The following COL13A1 variants were observed in gnomAD, a reference collection of about 807,000 sequenced individuals.
COL13A1 encodes the protein collagen alpha-1(XIII) chain.
A neutral mutation model predicts 130.9 loss-of-function variants in COL13A1; 89 were observed. The ratio of observed to expected loss-of-function variants is 0.68; its 90% CI spans 0.57 to 0.81. COL13A1 has a LOEUF of 0.81. COL13A1 is among the 30% of genes least tolerant of loss of function. COL13A1 has a pLI of 0.00. For missense variants in COL13A1, 879 were observed against 934.6 expected (o/e 0.94, Z 0.78); for synonymous variants, 402 against 341.6 (o/e 1.18, Z -1.95).
chr10:69,925,837 G>A lies in COL13A1; in HGVS notation c.1363G>A (p.Val455Met). The A allele has an allele frequency of 1.2e-6, 2 of 1,601,102 alleles. No homozygotes were observed. The highest frequency in any genetic ancestry group is 2.3e-5 in the East Asian group (1 of 44,404). Residue 455 changes from valine (V) to methionine (M), a missense_variant, in exon 26 of 41, where the codon GTG becomes ATG. Val to Met is a conservative substitution (Grantham distance 21). Coordinates refer to ENST00000645393, the MANE Select transcript of COL13A1 (RefSeq NM_001368882.1). ...SKGEPGKGEM[V>M]DYNGNINEAL... ...GGGAGAACCAGGGAAAGGAGAGATG[G>A]TGGATTACAATGGAAACATCAATGA...
chr10:69,851,426 C>T (rs916129478), intron 2 of COL13A1, among the ~76,000 whole-genome samples: 10 of 152,204 alleles, frequency 6.6e-5, no homozygotes, highest in Admixed American at 5.9e-4. Flanking sequence ...CCCCTGCCTT[C>T]CTTTCCTGCT....
intron 22 of COL13A1, among the ~76,000 whole-genome samples, chr10:69,922,378 C>A (rs962471589): frequency 2.0e-5 from 3 of 152,304 alleles, no homozygotes; most frequent in Non-Finnish European, 4.4e-5. Context: ...TTTAATGTTT[C>A]ATTTCTTACA....
intron 17 of COL13A1, among the ~76,000 whole-genome samples, chr10:69,912,312 C>T (rs1207797917): frequency 6.6e-6 from 1 of 152,198 alleles, no homozygotes; most frequent in East Asian, 1.9e-4. Context: ...GGTAATTCCC[C>T]GGATCACTTC....
At chr10:69,814,535 T>A (rs952175127) in intron 1 of COL13A1, among the ~76,000 whole-genome samples, 17 of 152,250 alleles carry the variant, frequency 1.1e-4, no homozygotes, top group Admixed American at 9.8e-4. Context: ...CACATCTGGA[T>A]ACCTCTGTTT....
intron 5 of COL13A1, among the ~76,000 whole-genome samples, chr10:69,876,792 A>T (rs567041666): frequency 6.6e-6 from 1 of 152,194 alleles, no homozygotes. Flanking sequence ...AATAGGGTGG[A>T]GTTGGGTTTT....
At chr10:69,862,938 C>G (rs1034911358) in intron 2 of COL13A1, among the ~76,000 whole-genome samples, 1 of 152,134 alleles carries the variant, frequency 6.6e-6, no homozygotes, top group Non-Finnish European at 1.5e-5. Flanking sequence ...TACTATTTGT[C>G]CGAATGAGGT....
chr10:69,812,861 T>C (rs529319057), intron 1 of COL13A1, among the ~76,000 whole-genome samples: 4 of 152,206 alleles, frequency 2.6e-5, no homozygotes, highest in African/African-American at 9.6e-5. Context: ...GCCCCTCACC[T>C]GGTGAGTTAC....
intron 29 of COL13A1, 117 bp from the exon 30 acceptor site, chr10:69,930,283 C>T: frequency 8.8e-7 from 1 of 1,142,748 alleles, no homozygotes; most frequent in Non-Finnish European, 1.2e-6. Flanking sequence ...TGGGCTGTCT[C>T]TGCCTGCCCC....
intron 2 of COL13A1, among the ~76,000 whole-genome samples, chr10:69,832,956 A>G (rs1319251632): frequency 2.6e-5 from 4 of 152,232 alleles, no homozygotes; most frequent in Non-Finnish European, 5.9e-5. Flanking sequence ...CAGGAAATCC[A>G]TTGTCCAAGG....
At chr10:69,828,980 A>G (rs1451881925) in intron 2 of COL13A1, among the ~76,000 whole-genome samples, 1 of 151,904 alleles carries the variant, frequency 6.6e-6, no homozygotes, top group Non-Finnish European at 1.5e-5. Flanking sequence ...AGCCAGGGAG[A>G]GCCTTCCCAC....
At chr10:69,890,750 T>C (rs1236968934) in intron 10 of COL13A1, among the ~76,000 whole-genome samples, 1 of 152,246 alleles carries the variant, frequency 6.6e-6, no homozygotes, top group Non-Finnish European at 1.5e-5. Flanking sequence ...CTAATATTTA[T>C]TGAGGGTTTG....
intron 7 of COL13A1, among the ~76,000 whole-genome samples, chr10:69,883,201 A>G (rs2060307288): frequency 6.6e-6 from 1 of 152,166 alleles, no homozygotes. Flanking sequence ...GTGTTGGGGC[A>G]CGTTGACTTT....
chr10:69,930,368 T>G, intron 29 of COL13A1, 32 bp from the exon 30 acceptor site: 2 of 1,575,640 alleles, frequency 1.3e-6, no homozygotes, highest in Non-Finnish European at 1.7e-6. Flanking sequence ...TCCATTAATG[T>G]GTCTAAGAAG....
At chr10:69,872,313 T>G in intron 4 of COL13A1, 103 bp downstream of exon 4, 1 of 1,326,530 alleles carries the variant, frequency 7.5e-7, no homozygotes, top group Non-Finnish European at 1.1e-6. Context: ...CAGGTGTATC[T>G]GGGTGACAGG....
rs2059769607 is a variant in COL13A1, at chr10:69,877,978, C to CCTCTTT, written c.436-60_436-55dup. ...TCGTGTGGGTGCCTCTTTCTCATCC[C>CCTCTTT]CTCTTTTTTCTCTCCCCTCCTTTCC... On this transcript the variant is annotated intron_variant, in intron 5 of 40. Coordinates refer to ENST00000645393, the MANE Select transcript of COL13A1 (RefSeq NM_001368882.1). 3.2e-4 allele frequency: 222 copies of CCTCTTT among 698,426 alleles called. 4 individuals carry two copies. In the South Asian group the frequency reaches 3.2e-3, roughly 10 times the overall value. 43.3% of individuals were successfully genotyped at this position (698,426 alleles called of 1,614,324 possible).
Position 69,932,555 on chromosome 10 carries a change from C to T in COL13A1, c.1684-5C>T, listed in dbSNP as rs781640312. The T allele has an allele frequency of 6.2e-7, 1 of 1,609,786 alleles. No homozygotes were observed. Among genetic ancestry groups the T allele is most frequent in the Non-Finnish European group, 8.5e-7 (1 of 1,176,494 alleles). ...CATTCATGCAGTGGTGTTTTGTGCC[C>T]ACAGGGAGAGAAAGGAGAAGCCGGG... On this transcript the variant is annotated splice_region_variant and splice_polypyrimidine_tract_variant and intron_variant, in intron 30 of 40. Transcript: ENST00000645393.
chr10:69,843,275 G>A (rs1375223957), intron 2 of COL13A1, among the ~76,000 whole-genome samples: 3 of 151,982 alleles, frequency 2.0e-5, no homozygotes, highest in African/African-American at 4.8e-5. Flanking sequence ...GGAGCGAGAA[G>A]AGGAGGAGGA....
rs553510411 is a variant in COL13A1 at position 69,805,267 on chromosome 10, CA to C, written c.294+2555del. On this transcript the variant is annotated intron_variant, in intron 1 of 40. Coordinates refer to ENST00000645393, the MANE Select transcript of COL13A1 (RefSeq NM_001368882.1). ...CTTACGGCTGGCAAAGCAGTAAGGCCAAAAACAGAAGGCTGCTGCAGGCCAG... is the reference window on the plus strand; with the variant it reads ...CTTACGGCTGGCAAAGCAGTAAGGCCAAAACAGAAGGCTGCTGCAGGCCAG... Among the ~76,000 whole-genome samples, 503 of 152,128 alleles carry C rather than the reference CA, an allele frequency of 3.3e-3. 1 individual carries two copies. Among genetic ancestry groups the C allele is most frequent in the African/African-American group, 0.012 (481 of 41,486 alleles).
At chr10:69,814,558 C>T (rs74142011) in intron 1 of COL13A1, among the ~76,000 whole-genome samples, 4,549 of 152,302 alleles carry the variant, frequency 0.03, 107 homozygotes, top group African/African-American at 0.053. Flanking sequence ...TTTTTTGCCT[C>T]ATCTCATTTT....
Sources: allele counts gnomAD v4.1 joint callset (sites outside exome capture counted in the v4.1 genomes callset), GRCh38; gene constraint gnomAD v4.1.1; transcripts MANE v1.5; gene names NCBI Gene and HGNC (gene_info 2026-07-23, HGNC 2026-07-21).